MYO5A: variants seen among roughly 807,000 people sequenced by gnomAD.
MYO5A encodes unconventional myosin-Va.
Under a neutral mutation model 249.7 loss-of-function variants are expected in MYO5A, and 98 were observed. The ratio of observed to expected loss-of-function variants is 0.39; its 90% CI spans 0.33 to 0.46. The LOEUF is 0.46. MYO5A is among the 20% of genes least tolerant of loss of function. MYO5A has a pLI of 0.98. For missense variants in MYO5A, 1,696 were observed against 2,308.8 expected, an observed-to-expected ratio of 0.73 and a Z score of 5.44; for synonymous variants, 778 against 810.6, an observed-to-expected ratio of 0.96 and a Z score of 0.68.
chr15:52,436,328 G>T (rs1194026145), intron 1 of MYO5A, among the ~76,000 whole-genome samples: 1 of 152,188 alleles, frequency 6.6e-6, no homozygotes, highest in African/African-American at 2.4e-5. Flanking sequence ...CCGGCACTAT[G>T]CAGATCTTAT....
intron 34 of MYO5A, chr15:52,331,984 G>A (rs959639344): frequency 1.3e-5 from 8 of 638,730 alleles, no homozygotes; most frequent in Middle Eastern, 7.8e-4. Flanking sequence ...GACTCAAACT[G>A]TTTGGTTTTA....
chr15:52,454,143 G>A (rs1000988800), intron 1 of MYO5A, among the ~76,000 whole-genome samples: 2 of 152,116 alleles, frequency 1.3e-5, no homozygotes, highest in East Asian at 1.9e-4. Flanking sequence ...AAAGACATAC[G>A]TAGACTGAAA....
At chr15:52,428,137 T>G (rs551905666) in intron 3 of MYO5A, among the ~76,000 whole-genome samples, 1 of 152,312 alleles carries the variant, frequency 6.6e-6, no homozygotes, top group Non-Finnish European at 1.5e-5. Context: ...TGGCACTAAA[T>G]CTGACATATG....
intron 1 of MYO5A, among the ~76,000 whole-genome samples, chr15:52,504,145 G>C (rs2077216587): frequency 6.7e-6 from 1 of 150,072 alleles, no homozygotes; most frequent in Non-Finnish European, 1.5e-5. Flanking sequence ...ATAAACTTGG[G>C]ATATCCTAGA....
intron 28 of MYO5A, among the ~76,000 whole-genome samples, chr15:52,350,468 C>G (rs1463885288): frequency 1.3e-5 from 2 of 152,132 alleles, no homozygotes; most frequent in African/African-American, 4.8e-5. Context: ...TTTCAGGCAT[C>G]CAGCTCATTA....
At chr15:52,467,818 T>C (rs1056888070) in intron 1 of MYO5A, among the ~76,000 whole-genome samples, 3 of 152,084 alleles carry the variant, frequency 2.0e-5, no homozygotes, top group African/African-American at 7.2e-5. Flanking sequence ...ATCAGACTAA[T>C]GGCACACTTC....
Position 52,311,218 on chromosome 15 carries a change from A to T in MYO5A, c.*2478T>A, listed in dbSNP as rs2037760869. ...TGACAGCTACAGCATGACCTGGAAGACCTGAGAAGATTCAGGGTGCACGTT... is the reference window on the plus strand; with the variant it reads ...TGACAGCTACAGCATGACCTGGAAGTCCTGAGAAGATTCAGGGTGCACGTT... On this transcript the variant is annotated 3_prime_UTR_variant, in exon 42 of 42. Transcript: ENST00000399233. 1 of 152,310 alleles carries T rather than the reference A, an allele frequency of 6.6e-6. No homozygotes were observed. The highest frequency in any genetic ancestry group is 1.5e-5 in the Non-Finnish European group (1 of 68,120). The allele number at this position is 152,310 out of a possible 1,614,324, so 9.4% of individuals were successfully genotyped here.
intron 20 of MYO5A, among the ~76,000 whole-genome samples, chr15:52,373,383 C>A (rs1188951689): frequency 6.6e-6 from 1 of 152,188 alleles, no homozygotes; most frequent in Non-Finnish European, 1.5e-5. Context: ...ATTTGCTTCT[C>A]CCATGTAACT....
At chr15:52,392,530 A>G (rs2042286970) in intron 11 of MYO5A, among the ~76,000 whole-genome samples, 1 of 152,230 alleles carries the variant, frequency 6.6e-6, no homozygotes, top group Non-Finnish European at 1.5e-5. Flanking sequence ...GCTGAAGTTC[A>G]CGTGGCTCAG....
intron 28 of MYO5A, among the ~76,000 whole-genome samples, chr15:52,350,959 A>C (rs971972571): frequency 6.6e-5 from 10 of 152,198 alleles, no homozygotes; most frequent in Non-Finnish European, 8.8e-5. Context: ...TATTTAATAA[A>C]ATTTTATTTT....
At chr15:52,316,251 A>G (rs1473627107) in intron 40 of MYO5A, among the ~76,000 whole-genome samples, 2 of 151,346 alleles carry the variant, frequency 1.3e-5, no homozygotes, top group Non-Finnish European at 3.0e-5. Context: ...AAAAAAAAAA[A>G]AAAAAAAGAA....
At chr15:52,366,542 T>C (rs2040814061) in intron 23 of MYO5A, among the ~76,000 whole-genome samples, 1 of 149,522 alleles carries the variant, frequency 6.7e-6, no homozygotes, top group African/African-American at 2.5e-5. Context: ...TAAATGTCCA[T>C]ATCTAGTTAG....
intron 20 of MYO5A, among the ~76,000 whole-genome samples, chr15:52,373,035 CA>C (rs2041211984): frequency 1.3e-5 from 2 of 151,818 alleles, no homozygotes; most frequent in Non-Finnish European, 2.9e-5. Context: ...GAGGATTTTC[CA>C]TTGCTATTTC....
At chr15:52,379,586 G>T in intron 18 of MYO5A, 39 bp downstream of exon 18, 3 of 1,565,634 alleles carry the variant, frequency 1.9e-6, no homozygotes, top group Non-Finnish European at 8.8e-7. Flanking sequence ...GAACCACAAG[G>T]CCTTCTGCTC....
intron 1 of MYO5A, among the ~76,000 whole-genome samples, chr15:52,499,156 G>T (rs2077101828): frequency 1.3e-5 from 2 of 152,100 alleles, no homozygotes; most frequent in Admixed American, 6.6e-5. Context: ...TCCATCCCCA[G>T]TTCTAGCTAC....
At chr15:52,474,280 G>A (rs535322336) in intron 1 of MYO5A, among the ~76,000 whole-genome samples, 1 of 152,366 alleles carries the variant, frequency 6.6e-6, no homozygotes, top group Admixed American at 6.5e-5. Flanking sequence ...AGCTTAAGGA[G>A]ATTTGGGGCT....
intron 23 of MYO5A, among the ~76,000 whole-genome samples, chr15:52,366,773 A>AAG (rs1489621063): frequency 6.6e-6 from 1 of 152,188 alleles, no homozygotes; most frequent in African/African-American, 2.4e-5. Context: ...TTTTAAAAAA[A>AAG]AATTACATAT....
intron 21 of MYO5A, among the ~76,000 whole-genome samples, chr15:52,370,995 C>T (rs2041078843): frequency 6.6e-6 from 1 of 152,038 alleles, no homozygotes; most frequent in Non-Finnish European, 1.5e-5. Context: ...TACCTGTAGT[C>T]CTAGCTACTT....
At chr15:52,512,024 G>A (rs926131676) in intron 1 of MYO5A, among the ~76,000 whole-genome samples, 46 of 152,030 alleles carry the variant, frequency 3.0e-4, no homozygotes, top group Non-Finnish European at 3.2e-4. Flanking sequence ...TTAGCCGGGC[G>A]TGGTGGCAGG....
Sources: allele counts gnomAD v4.1 joint callset (sites outside exome capture counted in the v4.1 genomes callset), GRCh38; gene constraint gnomAD v4.1.1; transcripts MANE v1.5; gene names NCBI Gene and HGNC (gene_info 2026-07-23, HGNC 2026-07-21).